Variants in COG2 observed in about 807,000 individuals in gnomAD.
COG2 encodes conserved oligomeric Golgi complex subunit 2.
In COG2, 52 loss-of-function variants were observed where a neutral mutation model predicts 90.6. The observed-to-expected ratio is 0.57, with a 90% CI of 0.46 to 0.72. The LOEUF is 0.72. COG2 is among the 30% of genes least tolerant of loss of function. The pLI is 0.00. For missense variants in COG2, 829 were observed against 891.2 expected, an observed-to-expected ratio of 0.93 and a Z score of 0.89; for synonymous variants, 337 against 320.4, an observed-to-expected ratio of 1.05 and a Z score of -0.55.
chr1:230,671,296 G>A (rs1175679942), intron 7 of COG2: 2 of 291,866 alleles, frequency 6.9e-6, no homozygotes, highest in African/African-American at 2.2e-5. Flanking sequence ...TGGTTTGTCA[G>A]CCCATGTCTC....
intron 5 of COG2, among the ~76,000 whole-genome samples, chr1:230,666,921 G>A (rs1169205109): frequency 6.6e-6 from 1 of 152,196 alleles, no homozygotes. Context: ...CTTTAAAACT[G>A]TCTCACTCAG....
chr1:230,668,484 G>A (rs1359772635), intron 5 of COG2, among the ~76,000 whole-genome samples, 192 bp from the exon 6 acceptor site: 6 of 152,178 alleles, frequency 3.9e-5, no homozygotes, highest in Non-Finnish European at 8.8e-5. Context: ...TGCATATGGC[G>A]TCTGGGGAAC....
rs562013801 is a variant in COG2 at position 230,654,533 on chromosome 1, A to T, written c.73-4931A>T. 2.0e-5 allele frequency among the ~76,000 whole-genome samples: 3 copies of T among 152,260 alleles called. No individual in the cohort carries two copies. The South Asian group carries it at 6.2e-4, about 32-fold the overall frequency. ...TACTGTAGCCTTGTAGTATAGTTTG[A>T]AGTCAGGTAGTGTGATGCCTCCAGC... On this transcript the variant is annotated intron_variant, in intron 1 of 17. Coordinates refer to ENST00000366669, the MANE Select transcript of COG2 (RefSeq NM_007357.3).
intron 8 of COG2, among the ~76,000 whole-genome samples, chr1:230,674,651 G>A (rs1662540897): frequency 6.6e-6 from 1 of 152,096 alleles, no homozygotes; most frequent in Non-Finnish European, 1.5e-5. Flanking sequence ...TTTTTCCTGT[G>A]GTATTAGACT....
chr1:230,675,622 TA>T (rs1268873584), intron 9 of COG2, among the ~76,000 whole-genome samples: 2 of 152,146 alleles, frequency 1.3e-5, no homozygotes, highest in Non-Finnish European at 2.9e-5. Context: ...TTTGTTTTTT[TA>T]ATTTATATTT....
intron 3 of COG2, 89 bp downstream of exon 3, chr1:230,660,912 G>T: frequency 3.7e-6 from 3 of 817,150 alleles, no homozygotes; most frequent in South Asian, 2.4e-5. Context: ...TAATCTGTTA[G>T]GTTGTTGATT....
intron 5 of COG2, 67 bp downstream of exon 5, chr1:230,664,654 T>G (rs1490200484): frequency 2.0e-5 from 14 of 706,688 alleles, no homozygotes; most frequent in Non-Finnish European, 3.2e-5. Context: ...CTTTTTTAGT[T>G]AGAACTCATT....
intron 8 of COG2, 92 bp from the exon 9 acceptor site, chr1:230,674,906 T>G: frequency 1.0e-6 from 1 of 966,804 alleles, no homozygotes; most frequent in African/African-American, 1.7e-5. Flanking sequence ...AGTTTTAGAC[T>G]GCGGATCTTT....
intron 9 of COG2, 155 bp from the exon 10 acceptor site, chr1:230,678,758 G>T: frequency 6.5e-7 from 1 of 1,530,546 alleles, no homozygotes; most frequent in Non-Finnish European, 8.8e-7. Context: ...TTTAAATGGG[G>T]ACATTGGAAG....
intron 1 of COG2, among the ~76,000 whole-genome samples, chr1:230,647,414 G>T (rs529237837): frequency 1.4e-4 from 21 of 152,284 alleles, no homozygotes; most frequent in African/African-American, 5.1e-4. Flanking sequence ...AATAATGCCT[G>T]GCTGATTGAA....
intron 8 of COG2, 135 bp downstream of exon 8, chr1:230,671,775 T>C: frequency 1.3e-6 from 1 of 795,424 alleles, no homozygotes. Context: ...TGTTATTTCA[T>C]TGTTTCTACT....
intron 1 of COG2, among the ~76,000 whole-genome samples, chr1:230,648,173 A>G (rs532330149): frequency 6.6e-6 from 1 of 152,380 alleles, no homozygotes; most frequent in East Asian, 1.9e-4. Flanking sequence ...GCATTTTATC[A>G]GTAGGGACAA....
At chr1:230,692,895 G>A (rs1663070911) in intron 17 of COG2, among the ~76,000 whole-genome samples, 1 of 152,120 alleles carries the variant, frequency 6.6e-6, no homozygotes, top group Non-Finnish European at 1.5e-5. Flanking sequence ...CAACTCATCT[G>A]ATTCTAAAAG....
At chr1:230,666,068 C>T (rs1221105365) in intron 5 of COG2, among the ~76,000 whole-genome samples, 1 of 152,138 alleles carries the variant, frequency 6.6e-6, no homozygotes, top group Non-Finnish European at 1.5e-5. Flanking sequence ...TCTTTATCTG[C>T]AGACGAACTT....
At chr1:230,652,646 T>C in intron 1 of COG2, among the ~76,000 whole-genome samples, 1 of 152,174 alleles carries the variant, frequency 6.6e-6, no homozygotes, top group Non-Finnish European at 1.5e-5. Context: ...CCATTTTGCA[T>C]TCTTACCAGG....
chr1:230,651,783 G>A (rs939452819), intron 1 of COG2, among the ~76,000 whole-genome samples: 2 of 152,080 alleles, frequency 1.3e-5, no homozygotes, highest in African/African-American at 2.4e-5. Flanking sequence ...AACTAAAACA[G>A]CTTATTTTCA....
Position 230,649,294 on chromosome 1 carries a change from T to C in COG2, c.72+6616T>C, listed in dbSNP as rs768511508. Among the ~76,000 whole-genome samples, 47 of 152,178 alleles carry C rather than the reference T, an allele frequency of 3.1e-4. 1 individual carries two copies. Among genetic ancestry groups the C allele is most frequent in the African/African-American group, 6.0e-4 (25 of 41,436 alleles). On this transcript the variant is annotated intron_variant, in intron 1 of 17. Transcript: ENST00000366669. ...CACGAGTTCCAGACTAACTGGGTCA[T>C]GTGTCAATGGAGCCACCCTGCACTG...
chr1:230,680,545 A>T (rs1046207822), intron 10 of COG2: 4 of 152,140 alleles, frequency 2.6e-5, no homozygotes, highest in African/African-American at 9.7e-5. Flanking sequence ...GTTTCTCTCA[A>T]AGCTGGTAAT....
intron 9 of COG2, among the ~76,000 whole-genome samples, chr1:230,677,081 T>C (rs1357909548): frequency 6.6e-6 from 1 of 152,164 alleles, no homozygotes; most frequent in African/African-American, 2.4e-5. Context: ...ATTTCTTCAA[T>C]TGTGCTTTTC....
Sources: allele counts gnomAD v4.1 joint callset (sites outside exome capture counted in the v4.1 genomes callset), GRCh38; gene constraint gnomAD v4.1.1; transcripts MANE v1.5; gene names NCBI Gene and HGNC (gene_info 2026-07-23, HGNC 2026-07-21).